The following SPIDR variants were observed in gnomAD, a reference collection of about 807,000 sequenced individuals.
SPIDR encodes DNA repair-scaffolding protein.
A neutral mutation model predicts 104.6 loss-of-function variants in SPIDR; 93 were observed. The observed-to-expected ratio is 0.89, with a 90% CI of 0.75 to 1.06. SPIDR has a LOEUF of 1.06. Ranked by LOEUF, SPIDR falls within the 50% of genes least tolerant of loss-of-function variation. SPIDR has a pLI of 0.00. For missense variants in SPIDR, 1,154 were observed against 1,111.2 expected, an observed-to-expected ratio of 1.04 and a Z score of -0.55; for synonymous variants, 431 against 416.9, an observed-to-expected ratio of 1.03 and a Z score of -0.41.
At chr8:47,401,240 C>G (rs1191082807) in intron 6 of SPIDR, among the ~76,000 whole-genome samples, 1 of 152,148 alleles carries the variant, frequency 6.6e-6, no homozygotes, top group Non-Finnish European at 1.5e-5. Context: ...CCAAACTACG[C>G]TTCATAAGTG....
intron 5 of SPIDR, among the ~76,000 whole-genome samples, chr8:47,307,533 GTT>G (rs71225675): frequency 3.9e-4 from 28 of 72,130 alleles, no homozygotes; most frequent in African/African-American, 1.0e-3. Flanking sequence ...TTCTCATTTC[GTT>G]TTTTTTTTTT....
intron 5 of SPIDR, among the ~76,000 whole-genome samples, chr8:47,314,206 A>G (rs992065140): frequency 7.2e-5 from 11 of 152,188 alleles, no homozygotes; most frequent in Admixed American, 5.2e-4. Context: ...TACACTGCAA[A>G]GTTAAAGATA....
At chr8:47,563,310 C>G (rs2057325365) in intron 8 of SPIDR, among the ~76,000 whole-genome samples, 1 of 152,040 alleles carries the variant, frequency 6.6e-6, no homozygotes, top group Non-Finnish European at 1.5e-5. Flanking sequence ...GCTGAGATTA[C>G]CAGCGTGCAC....
chr8:47,700,004 C>G (rs373428330), intron 11 of SPIDR, among the ~76,000 whole-genome samples: 2 of 152,158 alleles, frequency 1.3e-5, no homozygotes, highest in African/African-American at 4.8e-5. Flanking sequence ...TTTCCTTTGG[C>G]TTAATATATA....
rs143211893 is a variant in SPIDR at position 47,669,391 on chromosome 8, G to T, written c.1545-4410G>T. On this transcript the variant is annotated intron_variant, in intron 10 of 19. Coordinates refer to ENST00000297423, the MANE Select transcript of SPIDR (RefSeq NM_001080394.4). Reference sequence around the variant, plus strand: ...ACAGTTCCAATCCAGTCGAACCAGGGGGGTGATGACTCCACCTCGGGCCTG... The same window carrying T: ...ACAGTTCCAATCCAGTCGAACCAGGTGGGTGATGACTCCACCTCGGGCCTG... Among the ~76,000 whole-genome samples the T allele has an allele frequency of 7.8e-3, 1,188 of 152,254 alleles. 9 individuals carry two copies. The highest frequency in any genetic ancestry group is 0.011 in the Non-Finnish European group (742 of 68,008).
intron 2 of SPIDR, among the ~76,000 whole-genome samples, chr8:47,280,554 G>C (rs1307681718): frequency 6.6e-6 from 1 of 151,898 alleles, no homozygotes; most frequent in South Asian, 2.1e-4. Flanking sequence ...CACCACACTC[G>C]GCTGATTTTT....
chr8:47,437,006 A>G (rs1261932741), intron 7 of SPIDR, among the ~76,000 whole-genome samples: 13 of 152,188 alleles, frequency 8.5e-5, no homozygotes, highest in African/African-American at 3.1e-4. Context: ...GATAGCCAAC[A>G]TCATAAAATG....
chr8:47,284,127 A>T (rs944882770), intron 3 of SPIDR, 33 bp downstream of exon 3: 2 of 1,517,442 alleles, frequency 1.3e-6, no homozygotes, highest in Non-Finnish European at 1.8e-6. Flanking sequence ...GACAGAGAAG[A>T]TATAAGACTA....
chr8:47,473,298 C>T (rs781952922), intron 8 of SPIDR, among the ~76,000 whole-genome samples: 3 of 152,180 alleles, frequency 2.0e-5, no homozygotes, highest in Non-Finnish European at 4.4e-5. Context: ...GAAGGTTTTC[C>T]TTACTTTTTC....
intron 6 of SPIDR, among the ~76,000 whole-genome samples, chr8:47,404,705 G>A (rs2062469006): frequency 6.6e-6 from 1 of 151,950 alleles, no homozygotes; most frequent in African/African-American, 2.4e-5. Flanking sequence ...GAAACAACGG[G>A]TGCTGGAGAG....
intron 5 of SPIDR, among the ~76,000 whole-genome samples, chr8:47,356,290 T>C (rs556463094): frequency 6.6e-6 from 1 of 152,362 alleles, no homozygotes; most frequent in South Asian, 2.1e-4. Flanking sequence ...GAAACAGTTT[T>C]ACTCCTGAAA....
chr8:47,306,267 A>G (rs979705786), intron 5 of SPIDR, among the ~76,000 whole-genome samples: 1 of 151,922 alleles, frequency 6.6e-6, no homozygotes, highest in African/African-American at 2.4e-5. Context: ...TTGGCCTCCT[A>G]GTATCTGGGA....
intron 8 of SPIDR, among the ~76,000 whole-genome samples, chr8:47,449,682 G>A (rs1048168960): frequency 5.9e-5 from 9 of 152,166 alleles, no homozygotes; most frequent in Non-Finnish European, 1.3e-4. Context: ...AATTAATGCA[G>A]TATGAAAAGG....
chr8:47,470,807 T>C (rs1421377731), intron 8 of SPIDR, among the ~76,000 whole-genome samples: 1 of 152,012 alleles, frequency 6.6e-6, no homozygotes, highest in Non-Finnish European at 1.5e-5. Flanking sequence ...TGATCTCGGC[T>C]CACTGCAAGC....
chr8:47,725,950 TCAG>T (rs2084166474), intron 16 of SPIDR, among the ~76,000 whole-genome samples: 1 of 152,242 alleles, frequency 6.6e-6, no homozygotes, highest in Admixed American at 6.5e-5. Flanking sequence ...TTACCAAACA[TCAG>T]TAAACCAGTG....
chr8:47,375,229 T>C (rs1430468073), intron 5 of SPIDR, among the ~76,000 whole-genome samples: 1 of 139,050 alleles, frequency 7.2e-6, no homozygotes, highest in Admixed American at 8.0e-5. Context: ...TAAGAGTTAA[T>C]AGGCTTTTTT....
At chr8:47,411,181 G>A (rs1342926793) in intron 7 of SPIDR, among the ~76,000 whole-genome samples, 4 of 152,126 alleles carry the variant, frequency 2.6e-5, no homozygotes, top group Admixed American at 6.5e-5. Context: ...ACCCAGTAAT[G>A]GGATGGCTGG....
At chr8:47,502,271 G>A (rs1416373002) in intron 8 of SPIDR, among the ~76,000 whole-genome samples, 4 of 151,986 alleles carry the variant, frequency 2.6e-5, no homozygotes, top group Admixed American at 2.0e-4. Flanking sequence ...CATCTGGTCC[G>A]GGGCTTTTTT....
intron 10 of SPIDR, among the ~76,000 whole-genome samples, chr8:47,630,810 A>G (rs1203889384): frequency 6.6e-6 from 1 of 152,196 alleles, no homozygotes; most frequent in Non-Finnish European, 1.5e-5. Flanking sequence ...ATGCACCTGT[A>G]TGGCTGATCC....
Sources: gnomAD v4.1 joint callset for allele counts (sites outside exome capture counted in the v4.1 genomes callset) on GRCh38, gnomAD v4.1.1 for gene constraint, MANE v1.5 for transcripts, NCBI Gene and HGNC (gene_info 2026-07-23, HGNC 2026-07-21) for gene names.